Variants in RPL23 observed in about 807,000 individuals in gnomAD.
RPL23 encodes ribosomal protein L23, also known as large ribosomal subunit protein uL14.
For missense variants in RPL23, 79 were observed against 178.8 expected (o/e 0.44, Z 3.18); for synonymous variants, 63 against 65.3 (o/e 0.97, Z 0.17).
In RPL23 at chr17:38,850,107, T is replaced by A. The variant is rs775588122; in HGVS notation, c.*25A>T. The A allele has an allele frequency of 7.8e-6, 12 of 1,533,384 alleles. No individual in the cohort carries two copies. The highest frequency in any genetic ancestry group is 2.4e-4 in the Middle Eastern group (1 of 4,150). The allele number at this position is 1,533,384 out of a possible 1,614,324, so 95.0% of individuals were successfully genotyped here. ...TTTTAATGGGTTTAGTTTTTTTTTT[T>A]ATTTTTTACAAATATACTGGAGAAT... On this transcript the variant is annotated 3_prime_UTR_variant, in exon 5 of 5. Coordinates refer to ENST00000479035, the MANE Select transcript of RPL23 (RefSeq NM_000978.4).
chr17:38,852,523 T>C, intron 3 of RPL23, 81 bp downstream of exon 3: 1 of 1,567,530 alleles, frequency 6.4e-7, no homozygotes. Flanking sequence ...CTTGAGGCCT[T>C]GAAAACTGAT....
Position 38,848,109 on chromosome 17 carries a change from A to AT in RPL23, c.*2022dup. The AT allele has an allele frequency of 6.7e-7, 1 of 1,493,728 alleles. No individual in the cohort carries two copies. The highest frequency in any genetic ancestry group is 2.5e-5 in the East Asian group (1 of 39,698). The allele number at this position is 1,493,728 out of a possible 1,614,324, so 92.5% of individuals were successfully genotyped here. A position where few individuals can be genotyped will look rare whatever the true frequency, so the allele number is the denominator to read the frequency against. On this transcript the variant is annotated 3_prime_UTR_variant, in exon 5 of 5. Transcript: ENST00000479035. ...AACAGCAGCGATTAGTGGTTAATATATAAGGATCATATATTGCCATAATAT... is the reference window on the plus strand; with the variant it reads ...AACAGCAGCGATTAGTGGTTAATATATTAAGGATCATATATTGCCATAATAT...
At position 38,848,067 on chromosome 17, in the gene RPL23, A is replaced by G. The variant is rs1012636648; in HGVS notation, c.*2065T>C. ...GTGTGACAGAGCAAGACTGCCTCAG[A>G]AAAGATAACATTCAAAAACAGCAGC... On this transcript the variant is annotated 3_prime_UTR_variant, in exon 5 of 5. Coordinates refer to ENST00000479035, the MANE Select transcript of RPL23 (RefSeq NM_000978.4). 22 of 1,534,904 alleles carry G rather than the reference A, an allele frequency of 1.4e-5. No individual in the cohort carries two copies. Among genetic ancestry groups the G allele is most frequent in the Admixed American group, 4.3e-5 (2 of 46,922 alleles).
At position 38,848,989 on chromosome 17, in the gene RPL23, G is replaced by A. The variant is rs1224390441; in HGVS notation, c.*1143C>T. On this transcript the variant is annotated 3_prime_UTR_variant, in exon 5 of 5. Transcript: ENST00000479035. ...AACTCTTACACGTTTAGAAAGAAAT[G>A]CTAACAACCTCCTACCTTAAGGCCA... 3 of 152,112 alleles carry A rather than the reference G, an allele frequency of 2.0e-5. No homozygotes were observed. The highest frequency in any genetic ancestry group is 6.6e-5 in the Admixed American group (1 of 15,266). The allele number at this position is 152,112 out of a possible 1,614,324, so 9.4% of individuals were successfully genotyped here.
rs1913061896 is a variant in RPL23, at chr17:38,853,370, G to T, written c.14-265C>A. 1.1e-5 allele frequency: 8 copies of T among 698,064 alleles called. No homozygotes were observed. The Admixed American group carries it at 1.6e-4, about 14-fold the overall frequency. The allele number at this position is 698,064 out of a possible 1,614,324, so 43.2% of individuals were successfully genotyped here. On this transcript the variant is annotated intron_variant, in intron 1 of 4. Coordinates refer to ENST00000479035, the MANE Select transcript of RPL23 (RefSeq NM_000978.4). ...ACCCTTGCTCTAACTTTCGCAAAAC[G>T]CAATTACTCCTGCAAGGCATAAAAC...
chr17:38,852,948 C>CT (rs1196402665), intron 2 of RPL23, 74 bp downstream of exon 2: 1 of 1,460,632 alleles, frequency 6.8e-7, no homozygotes, highest in South Asian at 1.1e-5. Context: ...TTCTTGACGG[C>CT]TCAATAGGTC....
At chr17:38,852,955 G>T in intron 2 of RPL23, 67 bp downstream of exon 2, 4 of 1,471,258 alleles carry the variant, frequency 2.7e-6, no homozygotes, top group Non-Finnish European at 3.8e-6. Flanking sequence ...CGGCTCAATA[G>T]GTCATTAGCC....
Position 38,852,635 on chromosome 17 carries a change from G to C in RPL23, c.195C>G (p.Val65=). The C allele has an allele frequency of 6.2e-7, 1 of 1,612,706 alleles. No homozygotes were observed. The highest frequency in any genetic ancestry group is 8.5e-7 in the Non-Finnish European group (1 of 1,180,034). The stretch of plus-strand genomic sequence containing the variant: ...TTCTGAGCTCTGGTTTGCCTTTCTT[G>C]ACTGTGGCCATCACCATGTCACCCA... ...AGVGDMVMAT[V]KKGKPELRKK... is the part of the protein sequence containing the mutation. The change falls in exon 3 of 5, where the codon GTC becomes GTG. Residue 65 remains valine (V), a synonymous_variant. Transcript: ENST00000479035.
chr17:38,853,226 G>T, intron 1 of RPL23, 121 bp from the exon 2 acceptor site: 1 of 772,058 alleles, frequency 1.3e-6, no homozygotes, highest in Non-Finnish European at 2.2e-6. Context: ...GTACGCTATA[G>T]ATTAGCTCGC....
At chr17:38,853,455 C>T (rs772263131) in intron 1 of RPL23, 20 of 718,448 alleles carry the variant, frequency 2.8e-5, no homozygotes, top group Non-Finnish European at 4.9e-5. Flanking sequence ...TTACGATAGC[C>T]CTATTCGCGG....
At chr17:38,850,669 T>G (rs771843067) in intron 3 of RPL23, 194 bp from the exon 4 acceptor site, 1 of 24,892 alleles carries the variant, frequency 4.0e-5, no homozygotes, top group Admixed American at 8.1e-4. Context: ...CATGCCCAGA[T>G]TTTTTTTTTT....
rs758929633 is a variant in RPL23 at position 38,847,893 on chromosome 17, CA to C, written c.*2238del. ...AAATATAAAGTTTTTTAATCCAAGTCAAAAAAAATCTCCAAAGAATAAAATG... is the reference window on the plus strand; with the variant it reads ...AAATATAAAGTTTTTTAATCCAAGTCAAAAAAATCTCCAAAGAATAAAATG... On this transcript the variant is annotated 3_prime_UTR_variant, in exon 5 of 5. Transcript: ENST00000479035. The C allele has an allele frequency of 4.7e-5, 70 of 1,489,990 alleles. No individual in the cohort carries two copies. The highest frequency in any genetic ancestry group is 1.6e-4 in the Admixed American group (6 of 38,642). 92.3% of individuals were successfully genotyped at this position (1,489,990 alleles called of 1,614,324 possible). A position where few individuals can be genotyped will look rare whatever the true frequency, so the allele number is the denominator to read the frequency against.
rs1420114546 is a variant in RPL23 at position 38,849,956 on chromosome 17, A to G, written c.*176T>C. ...AACATGGTGAAACCCTGTCTCCACCAAAAATACAAAAACTAGCCAGGCATG... is the reference window on the plus strand; with the variant it reads ...AACATGGTGAAACCCTGTCTCCACCGAAAATACAAAAACTAGCCAGGCATG... On this transcript the variant is annotated 3_prime_UTR_variant, in exon 5 of 5. Coordinates refer to ENST00000479035, the MANE Select transcript of RPL23 (RefSeq NM_000978.4). The G allele has an allele frequency of 5.7e-6, 3 of 527,806 alleles. No homozygotes were observed. Among genetic ancestry groups the G allele is most frequent in the Admixed American group, 7.1e-5 (2 of 28,116 alleles). 32.7% of individuals were successfully genotyped at this position (527,806 alleles called of 1,614,324 possible). A position where few individuals can be genotyped will look rare whatever the true frequency, so the allele number is the denominator to read the frequency against.
At position 38,848,790 on chromosome 17, in the gene RPL23, G is replaced by A. The variant is rs1223806383; in HGVS notation, c.*1342C>T. The A allele has an allele frequency of 6.6e-6, 1 of 152,172 alleles. No individual in the cohort carries two copies. The highest frequency in any genetic ancestry group is 6.6e-5 in the Admixed American group (1 of 15,256). 9.4% of individuals were successfully genotyped at this position (152,172 alleles called of 1,614,324 possible). Reference sequence around the variant, plus strand: ...TAAGGGTAGTCCTTTTTGATACCAAGTGGAGCTTGTATTATACCCAACTTA... The same window carrying A: ...TAAGGGTAGTCCTTTTTGATACCAAATGGAGCTTGTATTATACCCAACTTA... On this transcript the variant is annotated 3_prime_UTR_variant, in exon 5 of 5. Transcript: ENST00000479035.
intron 3 of RPL23, 152 bp from the exon 4 acceptor site, chr17:38,850,627 C>G: frequency 1.6e-6 from 1 of 611,360 alleles, no homozygotes; most frequent in South Asian, 1.9e-5. Context: ...ACCTCAGCCT[C>G]TCTAGTATCT....
chr17:38,848,835 CTGAG>C lies in RPL23; in HGVS notation c.*1293_*1296del, dbSNP rs1912924450. The C allele has an allele frequency of 1.3e-5, 2 of 152,186 alleles. No individual in the cohort carries two copies. Among genetic ancestry groups the C allele is most frequent in the Non-Finnish European group, 1.5e-5 (1 of 68,024 alleles). 9.4% of individuals were successfully genotyped at this position (152,186 alleles called of 1,614,324 possible). A position where few individuals can be genotyped will look rare whatever the true frequency, so the allele number is the denominator to read the frequency against. On this transcript the variant is annotated 3_prime_UTR_variant, in exon 5 of 5. Coordinates refer to ENST00000479035, the MANE Select transcript of RPL23 (RefSeq NM_000978.4). ...AACTTACAGGTAGAAACATTTATGG[CTGAG>C]TATTTGCAGATACAGATACATAAAC... is the stretch of plus-strand genomic sequence containing the variant.
At chr17:38,853,182 A>C (rs940519225) in intron 1 of RPL23, 77 bp from the exon 2 acceptor site, 22 of 1,105,296 alleles carry the variant, frequency 2.0e-5, no homozygotes, top group Non-Finnish European at 2.8e-5. Flanking sequence ...CCTCATACTC[A>C]AGCTGTAATT....
At chr17:38,850,602 C>T (rs1912973711) in intron 3 of RPL23, 127 bp from the exon 4 acceptor site, 2 of 664,384 alleles carry the variant, frequency 3.0e-6, no homozygotes, top group African/African-American at 3.6e-5. Flanking sequence ...TATCAATCTT[C>T]AAGGTGATCC....
chr17:38,850,320 CAACCTCAGAGACCTAAGG>C, intron 4 of RPL23, 24 bp downstream of exon 4: 1 of 1,577,328 alleles, frequency 6.3e-7, no homozygotes, highest in East Asian at 2.2e-5. Flanking sequence ...ACAATCCACC[CAACCTCAGAGACCTAAGG>C]AACAAGCTGG....
Sources: allele counts gnomAD v4.1 joint callset, GRCh38; gene constraint gnomAD v4.1.1; transcripts MANE v1.5; gene names NCBI Gene and HGNC (gene_info 2026-07-23, HGNC 2026-07-21).